Variants in GRIK4 observed in about 807,000 individuals in gnomAD.
The protein encoded by GRIK4 is glutamate receptor ionotropic, kainate 4.
GRIK4 carries 40 observed loss-of-function variants against 104.9 expected under a neutral mutation model. The observed-to-expected ratio is 0.38, with a 90% CI of 0.30 to 0.50. The LOEUF (loss-of-function observed/expected upper bound fraction) is 0.50. Among genes scored for constraint, GRIK4 ranks in the 20% least tolerant of loss-of-function variants. The pLI is 0.93. For missense variants in GRIK4, 1,047 were observed against 1,308.1 expected (o/e 0.80, Z 3.08); for synonymous variants, 485 against 524.9 (o/e 0.92, Z 1.04).
intron 13 of GRIK4, among the ~76,000 whole-genome samples, chr11:120,913,301 G>A (rs1943038221): frequency 6.6e-6 from 1 of 152,024 alleles, no homozygotes; most frequent in African/African-American, 2.4e-5. Context: ...GACAGAGGAT[G>A]TGGAGGGTGC....
chr11:120,863,617 G>T (rs2135638860), intron 9 of GRIK4, among the ~76,000 whole-genome samples: 1 of 152,366 alleles, frequency 6.6e-6, no homozygotes, highest in Middle Eastern at 3.4e-3. Flanking sequence ...GATGGCAATG[G>T]AATTGGGTAC....
intron 19 of GRIK4, among the ~76,000 whole-genome samples, chr11:120,972,115 T>TC (rs989873299): frequency 6.6e-6 from 1 of 152,224 alleles, no homozygotes; most frequent in African/African-American, 2.4e-5. Context: ...AGAATTTTTT[T>TC]CCCACCCAAG....
chr11:120,565,087 G>A (rs1484134748), intron 1 of GRIK4, among the ~76,000 whole-genome samples: 2 of 152,178 alleles, frequency 1.3e-5, no homozygotes, highest in Non-Finnish European at 2.9e-5. Flanking sequence ...CGTCAGGGCC[G>A]AGGCAGTGAT....
rs375508071 is a variant in GRIK4 at position 120,957,625 on chromosome 11, G to GTGTGTGTGTGTGTGTGTGTGTGTGTA, written c.1874+673_1874+674insGTGTGTGTGTGTGTGTGTGTGTGTAT. Among the ~76,000 whole-genome samples, 1,099 of 144,508 alleles carry GTGTGTGTGTGTGTGTGTGTGTGTGTA rather than the reference G, an allele frequency of 7.6e-3. 10 individuals are homozygous for GTGTGTGTGTGTGTGTGTGTGTGTGTA. The highest frequency in any genetic ancestry group is 0.026 in the East Asian group (118 of 4,556). The allele number at this position is 144,508 out of a possible 152,430, so 94.8% of individuals were successfully genotyped here. A position where few individuals can be genotyped will look rare whatever the true frequency, so the allele number is the denominator to read the frequency against. On this transcript the variant is annotated intron_variant, in intron 16 of 20. Coordinates refer to ENST00000527524, the MANE Select transcript of GRIK4 (RefSeq NM_014619.5). ...TGTGTGTGTGTGTGTGTGTGTGTGT[G>GTGTGTGTGTGTGTGTGTGTGTGTGTA]TAGCCTAGAGAGGCAAGTTTGCAGA...
intron 13 of GRIK4, among the ~76,000 whole-genome samples, chr11:120,910,243 CCATG>C (rs1942961641): frequency 6.6e-6 from 1 of 152,190 alleles, no homozygotes; most frequent in South Asian, 2.1e-4. Context: ...CATACAGAGA[CCATG>C]GGCTTAGACA....
intron 1 of GRIK4, among the ~76,000 whole-genome samples, chr11:120,599,991 A>G (rs956161628): frequency 1.3e-5 from 2 of 152,220 alleles, no homozygotes; most frequent in Non-Finnish European, 2.9e-5. Context: ...TCATGCTGGC[A>G]TGAGCACCTA....
At chr11:120,800,360 C>A (rs530946723) in intron 3 of GRIK4, among the ~76,000 whole-genome samples, 1 of 152,258 alleles carries the variant, frequency 6.6e-6, no homozygotes, top group African/African-American at 2.4e-5. Context: ...GGCTGCCCTG[C>A]TTCCTTTCTA....
chr11:120,553,601 A>G (rs1948159854), intron 1 of GRIK4, among the ~76,000 whole-genome samples: 1 of 152,168 alleles, frequency 6.6e-6, no homozygotes, highest in South Asian at 2.1e-4. Context: ...TAGGGAAAAG[A>G]AGGTTTGACC....
intron 3 of GRIK4, among the ~76,000 whole-genome samples, chr11:120,752,420 C>T (rs935528229): frequency 1.3e-5 from 2 of 152,160 alleles, no homozygotes; most frequent in Admixed American, 6.5e-5. Context: ...CAGCCAGAGT[C>T]ACACAGCCCG....
At position 120,952,862 on chromosome 11, in the gene GRIK4, AACCCGGCT is replaced by A; in HGVS notation, c.1600_1607del (p.Pro534PhefsTer118). On this transcript the variant is annotated frameshift_variant, in exon 15 of 21. Transcript: ENST00000527524. LOFTEE classifies it high-confidence loss of function. The surrounding 1 kb of genome is among the most constrained non-coding windows in gnomAD (Gnocchi z 5.2). ...TTTTCTCTCCATTTCCAGGGACGCA[AACCCGGCT>A]ATTTCTCCTTCCTGGACCCATTTTC... The A allele has an allele frequency of 6.2e-7, 1 of 1,611,884 alleles. No homozygotes were observed. Among genetic ancestry groups the A allele is most frequent in the South Asian group, 1.1e-5 (1 of 91,028 alleles).
intron 20 of GRIK4, among the ~76,000 whole-genome samples, chr11:120,985,048 C>T (rs187920666): frequency 1.3e-5 from 2 of 152,026 alleles, no homozygotes; most frequent in East Asian, 2.0e-4. Context: ...AGGCTGGTCC[C>T]GAACTCCTGA....
intron 3 of GRIK4, among the ~76,000 whole-genome samples, chr11:120,691,797 C>A (rs1023593895): frequency 7.9e-5 from 12 of 152,202 alleles, no homozygotes; most frequent in African/African-American, 2.9e-4. Context: ...GCCTTGTATG[C>A]AGTGGGGCTC....
intron 19 of GRIK4, among the ~76,000 whole-genome samples, chr11:120,969,944 G>A (rs1444436450): frequency 6.6e-6 from 1 of 152,138 alleles, no homozygotes; most frequent in Admixed American, 6.5e-5. Flanking sequence ...AGCACTCAAT[G>A]CACTATGCTG....
intron 1 of GRIK4, among the ~76,000 whole-genome samples, chr11:120,526,236 C>G (rs1290808289): frequency 1.3e-5 from 2 of 152,166 alleles, no homozygotes; most frequent in Admixed American, 1.3e-4. Flanking sequence ...AGGTCTCACT[C>G]TGTCGCCCAG....
Position 120,550,600 on chromosome 11 carries a change from C to T in GRIK4, c.-159+38713C>T, listed in dbSNP as rs986783414. On this transcript the variant is annotated intron_variant, in intron 1 of 20. Coordinates refer to ENST00000527524, the MANE Select transcript of GRIK4 (RefSeq NM_014619.5). Reference sequence around the variant, plus strand: ...TGCCAATGTTAGAGTCGGGCAGAGGCGGGGAGCCCTGCAGTGGACATGGAG... The same window carrying T: ...TGCCAATGTTAGAGTCGGGCAGAGGTGGGGAGCCCTGCAGTGGACATGGAG... Among the ~76,000 whole-genome samples, 14 of 151,962 alleles carry T rather than the reference C, an allele frequency of 9.2e-5. No homozygotes were observed. The East Asian group carries it at 1.2e-3, about 13-fold the overall frequency.
chr11:120,648,697 G>C (rs772799235), intron 1 of GRIK4, among the ~76,000 whole-genome samples: 8 of 152,178 alleles, frequency 5.3e-5, no homozygotes, highest in Non-Finnish European at 1.2e-4. Context: ...CTCTGCAGAG[G>C]GGGGATGCGG....
chr11:120,821,137 C>T (rs113567474), intron 6 of GRIK4, among the ~76,000 whole-genome samples: 8 of 152,282 alleles, frequency 5.3e-5, no homozygotes, highest in African/African-American at 1.4e-4. Context: ...CTTCCAGAGC[C>T]CTGCAGTGGA....
intron 3 of GRIK4, among the ~76,000 whole-genome samples, chr11:120,784,598 G>T (rs902601757): frequency 2.0e-5 from 3 of 152,150 alleles, no homozygotes; most frequent in Non-Finnish European, 2.9e-5. Flanking sequence ...GACCCTCAGT[G>T]GTCCTATGGC....
chr11:120,823,794 G>A (rs1953184616), intron 6 of GRIK4, among the ~76,000 whole-genome samples: 1 of 152,214 alleles, frequency 6.6e-6, no homozygotes, highest in Admixed American at 6.5e-5. Flanking sequence ...GGTGCAGTAG[G>A]GGACGGCCCA....
Sources: gnomAD v4.1 joint callset for allele counts (sites outside exome capture counted in the v4.1 genomes callset) on GRCh38, gnomAD v4.1.1 for gene constraint, Gnocchi (gnomAD v3.1) non-coding constraint, MANE v1.5 for transcripts, NCBI Gene and HGNC (gene_info 2026-07-23, HGNC 2026-07-21) for gene names.